EIF2B3: variants seen among roughly 807,000 people sequenced by gnomAD.
The protein encoded by EIF2B3 is eukaryotic translation initiation factor 2B subunit gamma, also known as translation initiation factor eIF2B subunit gamma.
In EIF2B3, 20 loss-of-function variants were observed where a neutral mutation model predicts 54.1. That is an observed-to-expected ratio of 0.37 (90% CI 0.26 to 0.54). The LOEUF (loss-of-function observed/expected upper bound fraction) is 0.54, where lower values mean the gene tolerates loss of function less well. Ranked by LOEUF, EIF2B3 falls within the 20% of genes least tolerant of loss-of-function variation. EIF2B3 has a pLI of 0.86. For synonymous variants in EIF2B3, 153 were observed against 188.1 expected, an observed-to-expected ratio of 0.81 and a Z score of 1.52; for missense variants, 448 against 547.8, an observed-to-expected ratio of 0.82 and a Z score of 1.82.
At chr1:44,895,939 AAAAT>A (rs1467777853) in intron 6 of EIF2B3, among the ~76,000 whole-genome samples, 15 of 152,190 alleles carry the variant, frequency 9.9e-5, no homozygotes, top group Non-Finnish European at 1.9e-4. Flanking sequence ...TTGGGAGTGA[AAAAT>A]AAACCCTTCA....
intron 3 of EIF2B3, among the ~76,000 whole-genome samples, chr1:44,944,623 T>A (rs1172938230): frequency 1.3e-5 from 2 of 152,050 alleles, no homozygotes; most frequent in African/African-American, 4.8e-5. Flanking sequence ...TAAGACCCCA[T>A]CTCTAAAAAT....
At chr1:44,918,413 G>A (rs1199981791) in intron 5 of EIF2B3, among the ~76,000 whole-genome samples, 1 of 148,368 alleles carries the variant, frequency 6.7e-6, no homozygotes, top group Admixed American at 6.8e-5. Context: ...TTTTAAGACG[G>A]AGTTTCACTC....
chr1:44,973,356 T>C (rs1277430015), intron 3 of EIF2B3, among the ~76,000 whole-genome samples: 1 of 152,174 alleles, frequency 6.6e-6, no homozygotes, highest in Non-Finnish European at 1.5e-5. Flanking sequence ...AAATAGAATA[T>C]TCCTCAGCCT....
chr1:44,881,962 AG>A lies in EIF2B3; in HGVS notation c.657-224del. Among the ~76,000 whole-genome samples the A allele has an allele frequency of 6.6e-6, 1 of 152,200 alleles. No homozygotes were observed. Among genetic ancestry groups the A allele is most frequent in the Middle Eastern group, 3.2e-3 (1 of 316 alleles). On this transcript the variant is annotated intron_variant, in intron 6 of 11. Transcript: ENST00000360403. This position sits in a 1 kb window ranked among gnomAD's most constrained non-coding sequence, Gnocchi z 4.0. ...GTCTAAGTGATCAGGAATCTGTACT[AG>A]GGGAAGAAGGGACCTGATCTTTAGT... is the stretch of plus-strand genomic sequence containing the variant.
At chr1:44,961,716 T>A (rs1443450788) in intron 3 of EIF2B3, among the ~76,000 whole-genome samples, 2 of 152,170 alleles carry the variant, frequency 1.3e-5, no homozygotes, top group Non-Finnish European at 2.9e-5. Context: ...CAACACATAT[T>A]TGTTGAATAA....
intron 3 of EIF2B3, among the ~76,000 whole-genome samples, chr1:44,956,552 T>C (rs1040729452): frequency 1.8e-4 from 27 of 151,630 alleles, no homozygotes; most frequent in African/African-American, 6.1e-4. Context: ...TAGTAAAAGA[T>C]AGATGAAGCA....
chr1:44,950,663 A>G (rs1359023390), intron 3 of EIF2B3, among the ~76,000 whole-genome samples: 5 of 152,276 alleles, frequency 3.3e-5, no homozygotes, highest in Admixed American at 6.5e-5. Context: ...ATATACATAT[A>G]ACTTCAATAA....
At chr1:44,986,133 CT>C (rs34281328) in intron 1 of EIF2B3, among the ~76,000 whole-genome samples, 3,010 of 93,498 alleles carry the variant, frequency 0.032, 96 homozygotes, top group African/African-American at 0.089. Context: ...TCTTTCTTTT[CT>C]TTTCTTTTTT....
At chr1:44,976,335 C>T (rs1040205410) in intron 3 of EIF2B3, among the ~76,000 whole-genome samples, 5 of 152,106 alleles carry the variant, frequency 3.3e-5, no homozygotes, top group Admixed American at 2.0e-4. Flanking sequence ...GGCCAATAAA[C>T]ACATGAAAAG....
chr1:44,902,079 C>T (rs371504184), intron 5 of EIF2B3, among the ~76,000 whole-genome samples: 3 of 152,104 alleles, frequency 2.0e-5, no homozygotes, highest in African/African-American at 7.2e-5. Context: ...TGTTGAGTTG[C>T]CTGGACATCT....
At chr1:44,852,082 G>A (rs1297841196) in intron 11 of EIF2B3, among the ~76,000 whole-genome samples, 1 of 151,378 alleles carries the variant, frequency 6.6e-6, no homozygotes, top group African/African-American at 2.4e-5. Context: ...CCCAGTAGCT[G>A]GGACTACAGG....
intron 5 of EIF2B3, among the ~76,000 whole-genome samples, chr1:44,916,653 G>A (rs753680289): frequency 6.7e-6 from 1 of 149,888 alleles, no homozygotes; most frequent in Non-Finnish European, 1.5e-5. Context: ...AGACTTCCTC[G>A]CAACAAAAAA....
chr1:44,942,390 TATATATATATATATATATATATATATA>T (rs1557696829), intron 3 of EIF2B3, among the ~76,000 whole-genome samples: 2 of 14,780 alleles, frequency 1.4e-4, no homozygotes, highest in South Asian at 2.0e-3. Flanking sequence ...TATATATATA[TATATATATATATATATATATATATATA>T]TTTTTTTTTT....
intron 4 of EIF2B3, among the ~76,000 whole-genome samples, chr1:44,941,283 G>C (rs1335158252): frequency 6.6e-6 from 1 of 152,166 alleles, no homozygotes; most frequent in Non-Finnish European, 1.5e-5. Flanking sequence ...AAATAGTTCT[G>C]AATGTTCCTC....
intron 1 of EIF2B3, among the ~76,000 whole-genome samples, chr1:44,984,183 A>G (rs138051766): frequency 6.6e-6 from 1 of 151,948 alleles, no homozygotes; most frequent in Admixed American, 6.6e-5. Flanking sequence ...CCGTCTCAAA[A>G]AAAATAAAAT....
chr1:44,856,528 T>TAAAAAAAAAAAAAAAAAA (rs150728949), intron 11 of EIF2B3, among the ~76,000 whole-genome samples: 1 of 102,386 alleles, frequency 9.8e-6, no homozygotes, highest in Non-Finnish European at 2.2e-5. Context: ...AAATTAAAAT[T>TAAAAAAAAAAAAAAAAAA]AAAAAAAAAA....
intron 4 of EIF2B3, among the ~76,000 whole-genome samples, chr1:44,939,101 CAAAAAA>C (rs35410499): frequency 5.3e-5 from 3 of 56,286 alleles, no homozygotes; most frequent in African/African-American, 1.4e-4. Context: ...GACCCTGTCT[CAAAAAA>C]AAAAAAAAAA....
intron 3 of EIF2B3, among the ~76,000 whole-genome samples, chr1:44,952,852 G>A (rs528260605): frequency 6.6e-4 from 100 of 152,008 alleles, no homozygotes; most frequent in Non-Finnish European, 1.3e-3. Context: ...ACGCCTGGCC[G>A]TCCTTTCTCC....
intron 4 of EIF2B3, among the ~76,000 whole-genome samples, chr1:44,936,321 T>C (rs569845504): frequency 1.3e-5 from 2 of 152,034 alleles, no homozygotes; most frequent in East Asian, 3.9e-4. Flanking sequence ...AGCTCATGGC[T>C]GTAATCCTAG....
Sources: gnomAD v4.1 joint callset for allele counts (sites outside exome capture counted in the v4.1 genomes callset) on GRCh38, gnomAD v4.1.1 for gene constraint, Gnocchi (gnomAD v3.1) non-coding constraint, MANE v1.5 for transcripts, NCBI Gene and HGNC (gene_info 2026-07-23, HGNC 2026-07-21) for gene names.